Variants in MAGI2 observed in about 807,000 individuals in gnomAD.
The protein encoded by MAGI2 is membrane associated guanylate kinase, WW and PDZ domain containing 2, also known as membrane-associated guanylate kinase, WW and PDZ domain-containing protein 2.
In MAGI2, 35 loss-of-function variants were observed where a neutral mutation model predicts 133.3. The ratio of observed to expected loss-of-function variants is 0.26; its 90% CI spans 0.20 to 0.35. The LOEUF (loss-of-function observed/expected upper bound fraction) is 0.35. Ranked by LOEUF, MAGI2 falls within the 10% of genes least tolerant of loss-of-function variation. The probability of loss-of-function intolerance (pLI) is 1.00; values close to 1 mark genes in which losing one functional copy is unlikely to be tolerated. For synonymous variants in MAGI2, 729 were observed against 710.6 expected (o/e 1.03, Z -0.41); for missense variants, 1,636 against 1,863.4 (o/e 0.88, Z 2.25).
chr7:78,104,274 C>G (rs569198967), intron 20 of MAGI2, among the ~76,000 whole-genome samples: 76 of 152,206 alleles, frequency 5.0e-4, no homozygotes, highest in South Asian at 1.5e-3. Flanking sequence ...CCAGGCTGGA[C>G]TGCAGTGGCT....
intron 7 of MAGI2, among the ~76,000 whole-genome samples, chr7:78,361,093 T>TA (rs1792735570): frequency 7.3e-6 from 1 of 137,716 alleles, no homozygotes; most frequent in Admixed American, 7.8e-5. Flanking sequence ...CCTGATTTGT[T>TA]AGATTCATAA....
At chr7:78,034,302 T>G (rs1809930477) in intron 21 of MAGI2, among the ~76,000 whole-genome samples, 1 of 152,114 alleles carries the variant, frequency 6.6e-6, no homozygotes, top group Admixed American at 6.5e-5. Context: ...TACAGAAGCA[T>G]TTAATGGAGG....
chr7:78,530,184 A>G (rs1797343172), intron 3 of MAGI2, among the ~76,000 whole-genome samples: 1 of 152,206 alleles, frequency 6.6e-6, no homozygotes, highest in Non-Finnish European at 1.5e-5. Context: ...TAAATAACTG[A>G]GAAAACTGAG....
intron 7 of MAGI2, among the ~76,000 whole-genome samples, chr7:78,366,615 A>C (rs1793401159): frequency 1.4e-5 from 2 of 146,120 alleles, no homozygotes; most frequent in South Asian, 4.3e-4. Context: ...ATTTGACAAG[A>C]TTTTTGGGAT....
intron 2 of MAGI2, among the ~76,000 whole-genome samples, chr7:78,689,421 A>G (rs1331414881): frequency 6.6e-6 from 1 of 152,194 alleles, no homozygotes; most frequent in African/African-American, 2.4e-5. Flanking sequence ...TAAATTTTCA[A>G]ATCAAGGTGC....
chr7:78,814,366 C>G (rs1789370248), intron 2 of MAGI2, among the ~76,000 whole-genome samples: 1 of 152,156 alleles, frequency 6.6e-6, no homozygotes, highest in African/African-American at 2.4e-5. Context: ...TGTATGTTCA[C>G]TGACATTCTG....
chr7:78,238,712 T>G (rs1047350824), intron 10 of MAGI2, among the ~76,000 whole-genome samples: 5 of 152,136 alleles, frequency 3.3e-5, no homozygotes, highest in African/African-American at 1.2e-4. Context: ...CCAGCTTGCC[T>G]GCCTGCCTGT....
At chr7:79,442,851 A>G (rs185852003) in intron 1 of MAGI2, among the ~76,000 whole-genome samples, 2 of 152,204 alleles carry the variant, frequency 1.3e-5, no homozygotes, top group East Asian at 3.9e-4. Flanking sequence ...CTTTTGGAAC[A>G]TTTTAGTGAC....
intron 13 of MAGI2, among the ~76,000 whole-genome samples, chr7:78,178,581 AGT>A (rs3840593): frequency 0.057 from 8,527 of 149,322 alleles, 260 homozygotes; most frequent in East Asian, 0.11. Context: ...CCAGTTTAGG[AGT>A]GTGTGTGTGT....
intron 3 of MAGI2, among the ~76,000 whole-genome samples, chr7:78,546,505 T>C (rs1798854589): frequency 6.6e-6 from 1 of 152,158 alleles, no homozygotes; most frequent in African/African-American, 2.4e-5. Context: ...TTCTATTAAT[T>C]CTAAAAATTC....
chr7:79,197,936 G>T (rs754665893), intron 1 of MAGI2, among the ~76,000 whole-genome samples: 20 of 151,724 alleles, frequency 1.3e-4, no homozygotes, highest in Non-Finnish European at 2.4e-4. Context: ...AATTTTGGAG[G>T]GACCCAAACA....
chr7:78,426,366 C>A (rs907918722), intron 6 of MAGI2, among the ~76,000 whole-genome samples: 1 of 151,884 alleles, frequency 6.6e-6, no homozygotes, highest in South Asian at 2.1e-4. Context: ...AACAAAAAAC[C>A]AAACACCGCA....
At chr7:78,461,458 A>T (rs893835612) in intron 6 of MAGI2, among the ~76,000 whole-genome samples, 1 of 150,640 alleles carries the variant, frequency 6.6e-6, no homozygotes, top group Non-Finnish European at 1.5e-5. Context: ...GAAGAATCAG[A>T]TTTATTAGTT....
intron 2 of MAGI2, among the ~76,000 whole-genome samples, chr7:78,796,393 T>C (rs971877168): frequency 6.6e-6 from 1 of 152,038 alleles, no homozygotes; most frequent in Non-Finnish European, 1.5e-5. Context: ...AAGTTCAACA[T>C]CACTAATCAT....
At chr7:79,183,155 T>A (rs981287056) in intron 1 of MAGI2, among the ~76,000 whole-genome samples, 10 of 151,836 alleles carry the variant, frequency 6.6e-5, no homozygotes, top group Admixed American at 6.6e-4. Flanking sequence ...TGACTGTAGA[T>A]ACAACCATAT....
chr7:79,326,740 C>A (rs1839724849), intron 1 of MAGI2, among the ~76,000 whole-genome samples: 1 of 151,482 alleles, frequency 6.6e-6, no homozygotes, highest in South Asian at 2.1e-4. Flanking sequence ...AAAGCAAAAT[C>A]TCTCCTGACA....
chr7:78,116,149 A>C (rs1006916966), intron 20 of MAGI2, among the ~76,000 whole-genome samples: 1 of 152,200 alleles, frequency 6.6e-6, no homozygotes, highest in Non-Finnish European at 1.5e-5. Flanking sequence ...TAAGAGTAGA[A>C]AACTAACTAG....
At chr7:79,288,055 T>C (rs550166533) in intron 1 of MAGI2, among the ~76,000 whole-genome samples, 21 of 152,246 alleles carry the variant, frequency 1.4e-4, no homozygotes, top group African/African-American at 5.1e-4. Flanking sequence ...TATCAACGCA[T>C]ATATATGTGT....
intron 1 of MAGI2, among the ~76,000 whole-genome samples, chr7:79,138,733 C>T (rs978418534): frequency 6.6e-5 from 10 of 152,058 alleles, no homozygotes; most frequent in East Asian, 1.9e-4. Context: ...TGGCCAGGCG[C>T]GGTGGCTCAA....
Sources: allele counts gnomAD v4.1 joint callset (sites outside exome capture counted in the v4.1 genomes callset), GRCh38; gene constraint gnomAD v4.1.1; transcripts MANE v1.5; gene names NCBI Gene and HGNC (gene_info 2026-07-23, HGNC 2026-07-21).